Variants in HIVEP3 observed in about 807,000 individuals in gnomAD.
HIVEP3 encodes the protein transcription factor HIVEP3.
Under a neutral mutation model 152.8 loss-of-function variants are expected in HIVEP3, and 49 were observed. The observed-to-expected ratio is 0.32, with a 90% CI of 0.26 to 0.41. The LOEUF is 0.41. Among genes scored for constraint, HIVEP3 ranks in the 10% least tolerant of loss-of-function variants. HIVEP3 has a pLI of 1.00. For synonymous variants in HIVEP3, 1,269 were observed against 1,289.0 expected (o/e 0.98, Z 0.33); for missense variants, 2,790 against 3,103.3 (o/e 0.90, Z 2.40).
intron 1 of HIVEP3, among the ~76,000 whole-genome samples, chr1:41,751,323 C>CTTTTT (rs1426877286): frequency 2.7e-4 from 7 of 25,474 alleles, no homozygotes; most frequent in Admixed American, 6.1e-4. Flanking sequence ...AACTGACACA[C>CTTTTT]ATTTTTTTTT....
At chr1:41,530,289 C>T (rs1018499058) in intron 5 of HIVEP3, among the ~76,000 whole-genome samples, 4 of 152,212 alleles carry the variant, frequency 2.6e-5, no homozygotes, top group African/African-American at 9.7e-5. Flanking sequence ...GCCGTGGCGG[C>T]GGTACGCAGA....
chr1:41,749,404 T>TTGTGTGTGTGTGTG (rs3064239), intron 1 of HIVEP3, among the ~76,000 whole-genome samples: 2,250 of 140,742 alleles, frequency 0.016, 55 homozygotes, highest in African/African-American at 0.047. Context: ...TTAGAAAAAA[T>TTGTGTGTGTGTGTG]TGTGTGTGTG....
At chr1:41,564,648 G>C (rs2149091892) in intron 5 of HIVEP3, among the ~76,000 whole-genome samples, 1 of 152,316 alleles carries the variant, frequency 6.6e-6, no homozygotes, top group African/African-American at 2.4e-5. Flanking sequence ...GAAGGAAAAT[G>C]ATTTCCACCC....
intron 2 of HIVEP3, among the ~76,000 whole-genome samples, chr1:41,631,224 A>C (rs921073966): frequency 6.6e-6 from 1 of 152,152 alleles, no homozygotes; most frequent in African/African-American, 2.4e-5. Context: ...TGTGGCTTCC[A>C]GGGCCAGGTA....
At chr1:41,756,623 T>C (rs563593643) in intron 1 of HIVEP3, among the ~76,000 whole-genome samples, 2 of 152,358 alleles carry the variant, frequency 1.3e-5, no homozygotes, top group South Asian at 4.1e-4. Flanking sequence ...CTAGGATAAA[T>C]ATATCCAATG....
chr1:41,711,752 C>T (rs573906333), intron 1 of HIVEP3, among the ~76,000 whole-genome samples: 6 of 152,260 alleles, frequency 3.9e-5, no homozygotes, highest in South Asian at 2.1e-4. Flanking sequence ...TTGAGCGGCC[C>T]GAGTGGTTCC....
chr1:41,681,816 C>T (rs1197316413), intron 2 of HIVEP3, among the ~76,000 whole-genome samples: 1 of 152,200 alleles, frequency 6.6e-6, no homozygotes, highest in Non-Finnish European at 1.5e-5. Context: ...TATGTCCCCT[C>T]CTCCTGATAT....
intron 1 of HIVEP3, among the ~76,000 whole-genome samples, chr1:41,717,879 C>A (rs1299721827): frequency 6.6e-6 from 1 of 152,190 alleles, no homozygotes; most frequent in Non-Finnish European, 1.5e-5. Flanking sequence ...GCTGACTGAG[C>A]GCCTAGCTCA....
chr1:41,524,980 C>A, intron 5 of HIVEP3, 70 bp from the exon 6 acceptor site: 3 of 1,380,460 alleles, frequency 2.2e-6, no homozygotes, highest in Non-Finnish European at 3.0e-6. Context: ...TCAGAAGACG[C>A]ACGCGCTTCC....
rs1422571488 is a variant in HIVEP3, at chr1:41,662,069, G to C, written c.-720-33122C>G. The C allele has an allele frequency of 6.6e-6, 1 of 151,376 alleles. No homozygotes were observed. Among genetic ancestry groups the C allele is most frequent in the South Asian group, 2.1e-4 (1 of 4,818 alleles). 9.4% of individuals were successfully genotyped at this position (151,376 alleles called of 1,614,324 possible). On this transcript the variant is annotated intron_variant, in intron 2 of 8. Coordinates refer to ENST00000372583, the MANE Select transcript of HIVEP3 (RefSeq NM_024503.5). This position sits in a 1 kb window ranked among gnomAD's most constrained non-coding sequence, Gnocchi z 7.2. ...CCGGTCCCTCTGCCGCCCGCTCGGCGGTGCCCGGTCCCTGGGCTGCCAGGC... is the reference window on the plus strand; with the variant it reads ...CCGGTCCCTCTGCCGCCCGCTCGGCCGTGCCCGGTCCCTGGGCTGCCAGGC...
chr1:41,875,129 G>A (rs865776866), intron 1 of HIVEP3, among the ~76,000 whole-genome samples: 7 of 152,218 alleles, frequency 4.6e-5, no homozygotes, highest in Non-Finnish European at 8.8e-5. Flanking sequence ...GGCTGCTCCC[G>A]AAGGTCCTGG....
At chr1:41,995,267 A>G (rs1645389560) in intron 1 of HIVEP3, among the ~76,000 whole-genome samples, 1 of 152,202 alleles carries the variant, frequency 6.6e-6, no homozygotes, top group Admixed American at 6.5e-5. Flanking sequence ...AGTGAGGGGG[A>G]AAAGAAAACC....
rs1219957590 is a variant in HIVEP3, at chr1:41,829,783, G to T, written c.-801+88630C>A. 6.0e-5 allele frequency among the ~76,000 whole-genome samples: 9 copies of T among 150,628 alleles called. No homozygotes were observed. In the East Asian group the frequency reaches 1.6e-3, roughly 26 times the overall value. On this transcript the variant is annotated intron_variant, in intron 1 of 8. Transcript: ENST00000372583. ...TTAGCCTTTTTTAAAAAAAAATGTTGCCTTCATGTTCCCAGTTAAAAAAAA... is the reference window on the plus strand; with the variant it reads ...TTAGCCTTTTTTAAAAAAAAATGTTTCCTTCATGTTCCCAGTTAAAAAAAA...
Position 41,883,325 on chromosome 1 carries a change from G to A in HIVEP3, c.-801+35088C>T, listed in dbSNP as rs970537792. Reference sequence around the variant, plus strand: ...GCAGTGAGAGAGCTGCTGGGAAAACGGCCTGGACAATCAGACTGCAGTGCT... The same window carrying A: ...GCAGTGAGAGAGCTGCTGGGAAAACAGCCTGGACAATCAGACTGCAGTGCT... On this transcript the variant is annotated intron_variant, in intron 1 of 8. Coordinates refer to ENST00000372583, the MANE Select transcript of HIVEP3 (RefSeq NM_024503.5). Among the ~76,000 whole-genome samples, 3 of 152,028 alleles carry A rather than the reference G, an allele frequency of 2.0e-5. No individual in the cohort carries two copies. The East Asian group carries it at 5.8e-4, about 29-fold the overall frequency.
chr1:41,610,803 A>G (rs909490664), intron 3 of HIVEP3, among the ~76,000 whole-genome samples: 6 of 152,068 alleles, frequency 3.9e-5, no homozygotes, highest in Non-Finnish European at 8.8e-5. Context: ...TCCTTTTTTG[A>G]CAACATCTGA....
chr1:41,972,550 A>G (rs1645235885), intron 1 of HIVEP3, among the ~76,000 whole-genome samples: 1 of 152,226 alleles, frequency 6.6e-6, no homozygotes, highest in African/African-American at 2.4e-5. Context: ...CTTCATTACA[A>G]TGGTGGGACA....
At chr1:41,788,175 C>T (rs754575411) in intron 1 of HIVEP3, among the ~76,000 whole-genome samples, 16 of 152,160 alleles carry the variant, frequency 1.1e-4, no homozygotes, top group Non-Finnish European at 1.8e-4. Context: ...GGCCACCCCC[C>T]GACAGTGAGG....
intron 2 of HIVEP3, among the ~76,000 whole-genome samples, chr1:41,633,263 T>A (rs75339393): frequency 1.3e-5 from 2 of 151,896 alleles, no homozygotes; most frequent in African/African-American, 2.4e-5. Context: ...TGCAGTAGCA[T>A]CAGCTGGCCA....
intron 2 of HIVEP3, among the ~76,000 whole-genome samples, chr1:41,667,910 G>A (rs1423881982): frequency 6.6e-6 from 1 of 152,186 alleles, no homozygotes; most frequent in Non-Finnish European, 1.5e-5. Flanking sequence ...GGGATACTAT[G>A]ATGAACAAGA....
Sources: gnomAD v4.1 joint callset for allele counts (sites outside exome capture counted in the v4.1 genomes callset) on GRCh38, gnomAD v4.1.1 for gene constraint, Gnocchi (gnomAD v3.1) non-coding constraint, MANE v1.5 for transcripts, NCBI Gene and HGNC (gene_info 2026-07-23, HGNC 2026-07-21) for gene names.